Variants in TAB3 observed in about 807,000 individuals in gnomAD.
TAB3 encodes TGF-beta-activated kinase 1 and MAP3K7-binding protein 3.
TAB3 carries 18 observed loss-of-function variants against 48.1 expected under a neutral mutation model. The ratio of observed to expected loss-of-function variants is 0.37; its 90% confidence interval spans 0.26 to 0.55. The LOEUF is 0.55. Ranked by LOEUF, TAB3 falls within the 20% of genes least tolerant of loss-of-function variation. The probability of loss-of-function intolerance (pLI) is 0.78; values close to 1 mark genes in which losing one functional copy is unlikely to be tolerated. For missense variants in TAB3, 414 were observed against 549.8 expected (o/e 0.75, Z 2.47); for synonymous variants, 185 against 190.2 (o/e 0.97, Z 0.22).
intron 6 of TAB3, 115 bp from the exon 7 acceptor site, chrX:30,853,053 AC>A: frequency 1.3e-6 from 1 of 752,969 alleles, no homozygotes; most frequent in Non-Finnish European, 1.9e-6. Context: ...GTTGGCATTT[AC>A]TCTCATGTCT....
Position 30,888,764 on chromosome X carries a change from G to A in TAB3, c.-383+350C>T, listed in dbSNP as rs185465992. Among the ~76,000 whole-genome samples the A allele has an allele frequency of 2.7e-5, 3 of 112,733 alleles. No individual in the cohort carries two copies. The East Asian group carries it at 8.5e-4, about 32-fold the overall frequency. On this transcript the variant is annotated intron_variant, in intron 1 of 10. Transcript: ENST00000288422. ...AACACCTTCCTGGGGGCTTAAAGCC[G>A]GTCCACAGAGGCTCACTCTCCGCAA...
chrX:30,849,636 T>C (rs1447026257), intron 7 of TAB3, among the ~76,000 whole-genome samples: 2 of 112,293 alleles, frequency 1.8e-5, no homozygotes, highest in East Asian at 5.6e-4. Flanking sequence ...GCTATAATTC[T>C]CTTTTACAGC....
intron 1 of TAB3, among the ~76,000 whole-genome samples, chrX:30,876,136 T>C (rs62590398): frequency 0.44 from 49,034 of 110,828 alleles, 9,184 homozygotes; most frequent in Non-Finnish European, 0.59. Context: ...ACACTGAATG[T>C]GATGTGGCCT....
intron 5 of TAB3, among the ~76,000 whole-genome samples, chrX:30,858,752 G>A (rs1450287770): frequency 8.9e-6 from 1 of 111,822 alleles, no homozygotes; most frequent in Admixed American, 9.5e-5. Flanking sequence ...GGGACAGGGA[G>A]ATGGGGTACA....
At chrX:30,849,414 A>G (rs907594710) in intron 7 of TAB3, among the ~76,000 whole-genome samples, 1 of 112,488 alleles carries the variant, frequency 8.9e-6, no homozygotes, top group Non-Finnish European at 1.9e-5. Flanking sequence ...GCAACTTTCT[A>G]ATCAATTTTG....
chrX:30,831,252 A>G lies in TAB3; in HGVS notation c.*175T>C. ...GTAGTGAGTTAAGAAAGGAGAAAAA[A>G]AAGACCTCCCCATTTTTCCTTTCGT... On this transcript the variant is annotated 3_prime_UTR_variant, in exon 11 of 11. Transcript: ENST00000288422. 2 of 459,407 alleles carry G rather than the reference A, an allele frequency of 4.4e-6. No individual in the cohort carries two copies. The highest frequency in any genetic ancestry group is 2.4e-5 in the African/African-American group (1 of 41,263). 37.9% of individuals were successfully genotyped at this position (459,407 alleles called of 1,213,427 possible).
intron 9 of TAB3, among the ~76,000 whole-genome samples, chrX:30,839,944 A>AT (rs1287807144): frequency 3.3e-5 from 3 of 91,647 alleles, no homozygotes; most frequent in African/African-American, 8.3e-5. Context: ...ATATATATAT[A>AT]ATATATATTA....
Position 30,830,426 on chromosome X carries a change from A to G in TAB3, c.*1001T>C, listed in dbSNP as rs1237945202. 3 of 110,989 alleles carry G rather than the reference A, an allele frequency of 2.7e-5. No individual in the cohort carries two copies. In the East Asian group the frequency reaches 8.4e-4, roughly 31 times the overall value. 9.1% of individuals were successfully genotyped at this position (110,989 alleles called of 1,213,427 possible). On this transcript the variant is annotated 3_prime_UTR_variant, in exon 11 of 11. Coordinates refer to ENST00000288422, the MANE Select transcript of TAB3 (RefSeq NM_152787.5). ...ACAAAGTTTTATCTGTGCTGTAAAC[A>G]TCATGAATTTATCACAAAATTGGAA...
intron 1 of TAB3, among the ~76,000 whole-genome samples, chrX:30,880,545 G>C (rs1939969733): frequency 8.9e-6 from 1 of 111,932 alleles, no homozygotes; most frequent in Non-Finnish European, 1.9e-5. Context: ...AAAGCTTCTA[G>C]AAGATGAGAG....
chrX:30,856,850 G>A (rs1034775881), intron 5 of TAB3, among the ~76,000 whole-genome samples: 7 of 111,133 alleles, frequency 6.3e-5, no homozygotes, highest in Non-Finnish European at 1.1e-4. Context: ...CTTGACAATA[G>A]GCACTTAACT....
intron 10 of TAB3, among the ~76,000 whole-genome samples, chrX:30,831,866 T>G (rs1031918309): frequency 3.6e-5 from 4 of 112,095 alleles, no homozygotes; most frequent in Non-Finnish European, 5.6e-5. Flanking sequence ...TATGCTTTAT[T>G]CCAGCCAAAT....
At chrX:30,850,232 A>C (rs968653086) in intron 7 of TAB3, among the ~76,000 whole-genome samples, 2 of 111,991 alleles carry the variant, frequency 1.8e-5, no homozygotes, top group African/African-American at 6.5e-5. Flanking sequence ...AACACATGGG[A>C]AACACTTAAA....
intron 8 of TAB3, chrX:30,844,252 CCAAAGAGCTCATTGTCCAATGCAGA>C (rs1448891958): frequency 1.1e-4 from 12 of 111,497 alleles, no homozygotes; most frequent in African/African-American, 3.9e-4. Flanking sequence ...CCTAAGTATC[CCAAAGAGCTCATTGTCCAATGCAGA>C]CAAAAAACAC....
chrX:30,867,728 T>C (rs867882159), intron 2 of TAB3, among the ~76,000 whole-genome samples, 179 bp from the exon 3 acceptor site: 23 of 111,099 alleles, frequency 2.1e-4, no homozygotes, highest in African/African-American at 7.5e-4. Context: ...TCTTTTCTTT[T>C]AGGTCAGAAA....
intron 8 of TAB3, chrX:30,846,153 G>C (rs921471334): frequency 2.7e-6 from 2 of 738,860 alleles, no homozygotes; most frequent in Non-Finnish European, 3.4e-6. Flanking sequence ...AACATATATA[G>C]AGTTTATTTT....
chrX:30,837,667 T>C (rs905636952), intron 9 of TAB3, among the ~76,000 whole-genome samples: 1 of 112,582 alleles, frequency 8.9e-6, no homozygotes, highest in Admixed American at 9.4e-5. Flanking sequence ...TAGTGTCACT[T>C]GATGAGCAGA....
intron 8 of TAB3, chrX:30,844,604 A>G (rs962580544): frequency 3.6e-5 from 4 of 112,372 alleles, no homozygotes; most frequent in East Asian, 2.8e-4. Flanking sequence ...AATTGATGCA[A>G]TCTTCTAAAA....
intron 9 of TAB3, chrX:30,835,956 T>G (rs751193094): frequency 8.9e-6 from 1 of 112,477 alleles, no homozygotes; most frequent in East Asian, 2.8e-4. Context: ...TTTTTCTTTT[T>G]GTATTTGAGT....
At chrX:30,860,152 A>G (rs28524893) in intron 4 of TAB3, among the ~76,000 whole-genome samples, 27,578 of 111,083 alleles carry the variant, frequency 0.25, 2,596 homozygotes, top group Admixed American at 0.35. Context: ...TGTCCGTATC[A>G]ATGAAGATAG....
Sources: gnomAD v4.1 joint callset for allele counts (sites outside exome capture counted in the v4.1 genomes callset) on GRCh38, gnomAD v4.1.1 for gene constraint, MANE v1.5 for transcripts, NCBI Gene and HGNC (gene_info 2026-07-23, HGNC 2026-07-21) for gene names.